ATG10: variants seen among roughly 807,000 people sequenced by gnomAD.
ATG10 encodes ubiquitin-like-conjugating enzyme ATG10.
A neutral mutation model predicts 32.1 loss-of-function variants in ATG10; 30 were observed. The observed-to-expected ratio is 0.94, with a 90% CI of 0.70 to 1.27. ATG10 has a LOEUF of 1.27. ATG10 is among the 50% of genes most tolerant of loss of function. The pLI, the probability that ATG10 is intolerant of heterozygous loss-of-function variation, is 0.00. For synonymous variants in ATG10, 87 were observed against 91.5 expected (o/e 0.95, Z 0.28); for missense variants, 233 against 262.3 (o/e 0.89, Z 0.77).
intron 3 of ATG10, among the ~76,000 whole-genome samples, chr5:82,110,983 G>A (rs1235808314): frequency 6.6e-6 from 1 of 151,968 alleles, no homozygotes; most frequent in Non-Finnish European, 1.5e-5. Context: ...TCTGTCTGAA[G>A]TTAAGAAAAG....
chr5:82,240,761 C>T (rs1746755744), intron 5 of ATG10, among the ~76,000 whole-genome samples: 1 of 152,166 alleles, frequency 6.6e-6, no homozygotes, highest in Non-Finnish European at 1.5e-5. Context: ...CAAAATATCA[C>T]AGGCACCCCA....
intron 2 of ATG10, among the ~76,000 whole-genome samples, chr5:81,989,791 A>G (rs991433626): frequency 1.5e-4 from 23 of 151,574 alleles, no homozygotes; most frequent in African/African-American, 5.6e-4. Flanking sequence ...TTTAGTAGAG[A>G]CAGGATTTCA....
intron 4 of ATG10, among the ~76,000 whole-genome samples, chr5:82,175,611 G>T (rs1255063093): frequency 1.3e-5 from 2 of 152,124 alleles, no homozygotes; most frequent in African/African-American, 4.8e-5. Context: ...TTGGCTTTAA[G>T]TGACGAATGT....
chr5:82,021,570 C>T (rs1762435300), intron 2 of ATG10, among the ~76,000 whole-genome samples: 1 of 152,152 alleles, frequency 6.6e-6, no homozygotes, highest in Non-Finnish European at 1.5e-5. Flanking sequence ...TGTACATGTT[C>T]AAAGCAGATG....
At chr5:82,186,310 A>G (rs1458024671) in intron 5 of ATG10, among the ~76,000 whole-genome samples, 4 of 152,238 alleles carry the variant, frequency 2.6e-5, no homozygotes, top group Admixed American at 1.3e-4. Flanking sequence ...TTATGGCAGC[A>G]CAATAAATGT....
At chr5:81,990,983 T>C (rs948573725) in intron 2 of ATG10, among the ~76,000 whole-genome samples, 1 of 152,258 alleles carries the variant, frequency 6.6e-6, no homozygotes, top group East Asian at 1.9e-4. Context: ...TGATGCCCAA[T>C]GGGATGGTCA....
chr5:82,172,784 A>G (rs1295750179), intron 4 of ATG10, among the ~76,000 whole-genome samples: 1 of 152,226 alleles, frequency 6.6e-6, no homozygotes, highest in Non-Finnish European at 1.5e-5. Context: ...AATTTCATTT[A>G]GATTTCTTGA....
chr5:81,986,082 G>C (rs1235740011), intron 1 of ATG10, among the ~76,000 whole-genome samples: 1 of 151,302 alleles, frequency 6.6e-6, no homozygotes, highest in East Asian at 1.9e-4. Flanking sequence ...CTAATTTTTT[G>C]TATTTTTAGT....
chr5:82,030,251 G>T (rs1186581005), intron 2 of ATG10, among the ~76,000 whole-genome samples: 1 of 152,160 alleles, frequency 6.6e-6, no homozygotes, highest in Non-Finnish European at 1.5e-5. Flanking sequence ...AGAATATTTA[G>T]TCTGCAGCAG....
At chr5:82,252,424 T>C in intron 5 of ATG10, 138 bp from the exon 6 acceptor site, 1 of 629,864 alleles carries the variant, frequency 1.6e-6, no homozygotes, top group Non-Finnish European at 2.8e-6. Context: ...TTTTTAAAAA[T>C]AGAAAATAAA....
At chr5:82,064,188 A>AT (rs961178226) in intron 3 of ATG10, among the ~76,000 whole-genome samples, 1 of 152,168 alleles carries the variant, frequency 6.6e-6, no homozygotes, top group Non-Finnish European at 1.5e-5. Flanking sequence ...AAACAACATT[A>AT]TTTTTCATTT....
chr5:82,018,912 G>T (rs1402587355), intron 2 of ATG10, among the ~76,000 whole-genome samples: 2 of 151,888 alleles, frequency 1.3e-5, no homozygotes, highest in Admixed American at 1.3e-4. Flanking sequence ...ACTATTTAAT[G>T]TACTTATTTA....
chr5:82,071,654 G>T (rs1319917855), intron 3 of ATG10, among the ~76,000 whole-genome samples: 1 of 152,062 alleles, frequency 6.6e-6, no homozygotes, highest in Non-Finnish European at 1.5e-5. Context: ...CGTGTAGAGG[G>T]TAGTGGTGGG....
intron 5 of ATG10, among the ~76,000 whole-genome samples, chr5:82,199,237 A>AT (rs1476721283): frequency 1.3e-5 from 2 of 152,192 alleles, no homozygotes; most frequent in Non-Finnish European, 2.9e-5. Flanking sequence ...TTTTTGGTCG[A>AT]TTTTTCTCAA....
intron 5 of ATG10, among the ~76,000 whole-genome samples, chr5:82,193,027 G>A (rs1310665036): frequency 6.6e-6 from 1 of 152,180 alleles, no homozygotes; most frequent in African/African-American, 2.4e-5. Context: ...TTACTATGAG[G>A]TGGGGTTGGC....
At chr5:82,177,024 A>G (rs1744057570) in intron 4 of ATG10, among the ~76,000 whole-genome samples, 1 of 152,220 alleles carries the variant, frequency 6.6e-6, no homozygotes, top group African/African-American at 2.4e-5. Flanking sequence ...CGGTATAGCA[A>G]CATGGGAAAA....
chr5:82,061,779 CAT>C (rs10656029), intron 3 of ATG10, among the ~76,000 whole-genome samples: 55,447 of 135,158 alleles, frequency 0.41, 12,733 homozygotes, highest in East Asian at 0.78. Flanking sequence ...TACATGTACA[CAT>C]ATATATATAT....
chr5:82,014,097 A>G (rs1323132607), intron 2 of ATG10, among the ~76,000 whole-genome samples: 8 of 152,184 alleles, frequency 5.3e-5, no homozygotes, highest in Admixed American at 1.3e-4. Context: ...CCCAGTAGTC[A>G]TTCAGGAGCA....
chr5:82,014,130 T>G (rs1762209126), intron 2 of ATG10, among the ~76,000 whole-genome samples: 1 of 152,154 alleles, frequency 6.6e-6, no homozygotes, highest in African/African-American at 2.4e-5. Context: ...TCCATGTAGT[T>G]GAGCAGTTTT....
Sources: allele counts gnomAD v4.1 joint callset (sites outside exome capture counted in the v4.1 genomes callset), GRCh38; gene constraint gnomAD v4.1.1; transcripts MANE v1.5; gene names NCBI Gene and HGNC (gene_info 2026-07-23, HGNC 2026-07-21).